KLF12: variants seen among roughly 807,000 people sequenced by gnomAD.
KLF12 encodes the protein KLF transcription factor 12, also known as Krueppel-like factor 12.
In KLF12, 9 loss-of-function variants were observed where a neutral mutation model predicts 37.8. The observed-to-expected ratio is 0.24, with a 90% CI of 0.14 to 0.42. The LOEUF is 0.42. Ranked by LOEUF, KLF12 falls within the 10% of genes least tolerant of loss-of-function variation. The pLI is 1.00. For synonymous variants in KLF12, 208 were observed against 202.1 expected (o/e 1.03, Z -0.25); for missense variants, 411 against 516.0 (o/e 0.80, Z 1.97).
At chr13:73,804,918 T>G (rs1882478593) in intron 5 of KLF12, among the ~76,000 whole-genome samples, 1 of 152,214 alleles carries the variant, frequency 6.6e-6, no homozygotes, top group African/African-American at 2.4e-5. Context: ...ATGGGAAGCA[T>G]CTAAGAGCAA....
chr13:73,938,516 T>C (rs1463142369), intron 3 of KLF12, among the ~76,000 whole-genome samples: 1 of 152,136 alleles, frequency 6.6e-6, no homozygotes, highest in Non-Finnish European at 1.5e-5. Context: ...TTACAACAAA[T>C]AGCACATGAA....
chr13:74,108,759 TG>T (rs1259590503), intron 1 of KLF12, among the ~76,000 whole-genome samples: 2 of 152,144 alleles, frequency 1.3e-5, no homozygotes, highest in East Asian at 3.8e-4. Flanking sequence ...ATTGATTAAG[TG>T]GAAGTGAATC....
chr13:73,823,111 T>C (rs1883624153), intron 4 of KLF12, among the ~76,000 whole-genome samples: 1 of 152,246 alleles, frequency 6.6e-6, no homozygotes, highest in Non-Finnish European at 1.5e-5. Flanking sequence ...TTTATTCACT[T>C]TTCTTATTTC....
chr13:73,783,411 T>C (rs1211893258), intron 5 of KLF12, among the ~76,000 whole-genome samples: 1 of 152,116 alleles, frequency 6.6e-6, no homozygotes, highest in African/African-American at 2.4e-5. Flanking sequence ...CAGCGTTTGA[T>C]AGAGCACAGT....
At chr13:73,975,948 A>G (rs1891507883) in intron 2 of KLF12, among the ~76,000 whole-genome samples, 1 of 152,126 alleles carries the variant, frequency 6.6e-6, no homozygotes, top group Non-Finnish European at 1.5e-5. Context: ...CATACTTCCA[A>G]TCAAAGCTTT....
At chr13:74,256,024 G>A in the KLF12 span, among the ~76,000 whole-genome samples, 7 of 151,912 alleles carry the variant, frequency 4.6e-5, no homozygotes, top group Non-Finnish European at 7.4e-5. Context: ...GCGTGGTGGC[G>A]GGCGCCTGTA....
intron 5 of KLF12, among the ~76,000 whole-genome samples, chr13:73,778,144 TAAAAA>T (rs1880738038): frequency 9.5e-6 from 1 of 105,318 alleles, no homozygotes; most frequent in Admixed American, 9.1e-5. Flanking sequence ...AAAAAAAAAA[TAAAAA>T]AAGAAAACAA....
chr13:74,070,602 G>A (rs1272977045), intron 1 of KLF12, among the ~76,000 whole-genome samples: 1 of 152,186 alleles, frequency 6.6e-6, no homozygotes, highest in East Asian at 1.9e-4. Flanking sequence ...GGATGGAAGA[G>A]GACTAGGCAG....
At chr13:73,728,895 T>C (rs1277140212) in intron 6 of KLF12, among the ~76,000 whole-genome samples, 1 of 152,156 alleles carries the variant, frequency 6.6e-6, no homozygotes, top group African/African-American at 2.4e-5. Context: ...TTTTGGTTAT[T>C]AGGATAATGC....
intron 5 of KLF12, among the ~76,000 whole-genome samples, chr13:73,778,326 AACTTTGT>A (rs1295472993): frequency 2.0e-5 from 3 of 152,104 alleles, no homozygotes; most frequent in African/African-American, 7.2e-5. Context: ...AGCTTCCATG[AACTTTGT>A]ACTGTGCTAA....
At position 73,752,938 on chromosome 13, in the gene KLF12, G is replaced by C. The variant is rs764088055; in HGVS notation, c.869+12000C>G. Among the ~76,000 whole-genome samples the C allele has an allele frequency of 7.5e-4, 113 of 151,648 alleles. 1 individual carries two copies. The highest frequency in any genetic ancestry group is 1.5e-3 in the Non-Finnish European group (99 of 67,908). The stretch of plus-strand genomic sequence containing the variant: ...TGGCTAATTTTTGTATTTTTTAGTA[G>C]AGATGGGGTTTCACTGTATTGACCA... On this transcript the variant is annotated intron_variant, in intron 6 of 7. Coordinates refer to ENST00000377669, the MANE Select transcript of KLF12 (RefSeq NM_007249.5).
the KLF12 span, among the ~76,000 whole-genome samples, chr13:74,288,359 A>G: frequency 1.8e-4 from 28 of 152,162 alleles, no homozygotes; most frequent in Non-Finnish European, 3.8e-4. Flanking sequence ...AACACAGACG[A>G]TGAGTTTTAT....
intron 3 of KLF12, among the ~76,000 whole-genome samples, chr13:73,856,753 C>T (rs568059527): frequency 5.3e-5 from 8 of 152,218 alleles, no homozygotes; most frequent in African/African-American, 7.2e-5. Context: ...ATTTGGGAGG[C>T]GGAGGTGGGC....
chr13:74,051,524 A>C (rs1872926474), intron 1 of KLF12, among the ~76,000 whole-genome samples: 1 of 152,150 alleles, frequency 6.6e-6, no homozygotes, highest in Non-Finnish European at 1.5e-5. Flanking sequence ...TAAAGAAAGT[A>C]AAATGAGTGA....
At chr13:73,730,189 T>C (rs1215149811) in intron 6 of KLF12, among the ~76,000 whole-genome samples, 1 of 152,156 alleles carries the variant, frequency 6.6e-6, no homozygotes, top group Admixed American at 6.6e-5. Flanking sequence ...AAAATGCTCT[T>C]GACTGCCTCT....
chr13:73,993,403 C>A (rs1319876996), intron 2 of KLF12, among the ~76,000 whole-genome samples: 1 of 152,134 alleles, frequency 6.6e-6, no homozygotes, highest in East Asian at 1.9e-4. Flanking sequence ...CACAATGATT[C>A]TTTTTGCCAT....
At chr13:74,140,927 G>A in the KLF12 span, among the ~76,000 whole-genome samples, 1 of 118,068 alleles carries the variant, frequency 8.5e-6, no homozygotes, top group African/African-American at 3.2e-5. Flanking sequence ...GTGGTGGCAG[G>A]CGCCTGTAAT....
intron 4 of KLF12, among the ~76,000 whole-genome samples, chr13:73,830,001 T>A (rs1261144725): frequency 6.6e-6 from 1 of 152,194 alleles, no homozygotes; most frequent in African/African-American, 2.4e-5. Context: ...GAGGTTTAAG[T>A]ATGAAGGACT....
chr13:73,732,056 T>C (rs1164920987), intron 6 of KLF12, among the ~76,000 whole-genome samples: 1 of 151,814 alleles, frequency 6.6e-6, no homozygotes, highest in East Asian at 1.9e-4. Flanking sequence ...GCTGTTTCAC[T>C]TTGTGTTAAC....
Sources: gnomAD v4.1 joint callset for allele counts (sites outside exome capture counted in the v4.1 genomes callset) on GRCh38, gnomAD v4.1.1 for gene constraint, MANE v1.5 for transcripts, NCBI Gene and HGNC (gene_info 2026-07-23, HGNC 2026-07-21) for gene names.